KCNMA1: variants seen among roughly 807,000 people sequenced by gnomAD.
KCNMA1 encodes Calcium-activated potassium channel subunit alpha-1.
In KCNMA1, 29 loss-of-function variants were observed where a neutral mutation model predicts 140.0. That is an observed-to-expected ratio of 0.21 (90% CI 0.15 to 0.28). The LOEUF is 0.28. Ranked by LOEUF, KCNMA1 falls within the 10% of genes least tolerant of loss-of-function variation. The pLI, the probability that KCNMA1 is intolerant of heterozygous loss-of-function variation, is 1.00. For missense variants in KCNMA1, 880 were observed against 1,602.2 expected (o/e 0.55, Z 7.70); for synonymous variants, 612 against 611.9 (o/e 1.00, Z 0.00).
At chr10:77,574,447 A>T (rs1253288815) in intron 1 of KCNMA1, among the ~76,000 whole-genome samples, 5 of 152,144 alleles carry the variant, frequency 3.3e-5, no homozygotes. Flanking sequence ...TTTTAACACA[A>T]ACATCCTGTG....
chr10:77,277,097 G>T (rs894059233), intron 2 of KCNMA1, among the ~76,000 whole-genome samples: 1 of 152,124 alleles, frequency 6.6e-6, no homozygotes. Flanking sequence ...CCTGAGATGT[G>T]CTCAGCAAGT....
intron 5 of KCNMA1, among the ~76,000 whole-genome samples, chr10:77,159,062 A>G (rs919794736): frequency 2.0e-5 from 3 of 152,178 alleles, no homozygotes; most frequent in Non-Finnish European, 4.4e-5. Flanking sequence ...TTTTGAAGCA[A>G]CTGGCTTGGT....
intron 1 of KCNMA1, among the ~76,000 whole-genome samples, chr10:77,409,740 C>G (rs1303593139): frequency 6.6e-6 from 1 of 152,210 alleles, no homozygotes; most frequent in African/African-American, 2.4e-5. Flanking sequence ...TTGGCTGTCT[C>G]CGTCTCTCAT....
At chr10:77,058,611 A>G (rs1237173077) in intron 14 of KCNMA1, among the ~76,000 whole-genome samples, 2 of 152,136 alleles carry the variant, frequency 1.3e-5, no homozygotes, top group Non-Finnish European at 2.9e-5. Flanking sequence ...GAAAGATAAG[A>G]GGAATATCTT....
chr10:77,245,561 A>G (rs1202195761), intron 3 of KCNMA1, among the ~76,000 whole-genome samples: 2 of 152,210 alleles, frequency 1.3e-5, no homozygotes, highest in Admixed American at 6.5e-5. Context: ...CTTTGGGGCC[A>G]AATTTTCCTG....
chr10:77,184,124 T>TC (rs2098826642), intron 4 of KCNMA1, among the ~76,000 whole-genome samples: 1 of 151,878 alleles, frequency 6.6e-6, no homozygotes, highest in South Asian at 2.1e-4. Flanking sequence ...CACCTTCCTT[T>TC]CATTCATACT....
intron 3 of KCNMA1, among the ~76,000 whole-genome samples, chr10:77,214,077 C>T (rs551190403): frequency 5.6e-4 from 85 of 152,312 alleles, no homozygotes; most frequent in Non-Finnish European, 9.0e-4. Context: ...AGCCCTACTT[C>T]ACACCAGCTC....
intron 1 of KCNMA1, among the ~76,000 whole-genome samples, chr10:77,520,528 A>G (rs2053001860): frequency 6.6e-6 from 1 of 152,026 alleles, no homozygotes; most frequent in Admixed American, 6.6e-5. Context: ...ATTAGCTGCC[A>G]TTGTTGTCTT....
At chr10:77,250,653 A>C (rs1420038764) in intron 3 of KCNMA1, 3 of 172,232 alleles carry the variant, frequency 1.7e-5, no homozygotes, top group Non-Finnish European at 3.8e-5. Context: ...GAACTCCTCC[A>C]TCCATCTCCT....
intron 1 of KCNMA1, among the ~76,000 whole-genome samples, chr10:77,450,959 T>C (rs910205875): frequency 6.6e-6 from 1 of 151,818 alleles, no homozygotes; most frequent in African/African-American, 2.4e-5. Flanking sequence ...TTAAGGGGAG[T>C]TCCCCTGCAC....
chr10:77,204,610 A>T (rs1255843792), intron 3 of KCNMA1, among the ~76,000 whole-genome samples: 1 of 152,190 alleles, frequency 6.6e-6, no homozygotes, highest in Non-Finnish European at 1.5e-5. Context: ...ATAAATTAAT[A>T]AACCAAGCTT....
At chr10:77,253,833 T>G (rs1210000513) in intron 2 of KCNMA1, among the ~76,000 whole-genome samples, 1 of 152,216 alleles carries the variant, frequency 6.6e-6, no homozygotes, top group Non-Finnish European at 1.5e-5. Flanking sequence ...AAGGTAACTG[T>G]GCACGTAGTC....
chr10:77,119,719 G>A (rs2097555309), intron 6 of KCNMA1, among the ~76,000 whole-genome samples: 1 of 152,120 alleles, frequency 6.6e-6, no homozygotes, highest in African/African-American at 2.4e-5. Context: ...AATAAACAGA[G>A]GACTGATAAA....
At chr10:77,281,749 C>T (rs1024166998) in intron 2 of KCNMA1, among the ~76,000 whole-genome samples, 3 of 152,134 alleles carry the variant, frequency 2.0e-5, no homozygotes, top group South Asian at 2.1e-4. Flanking sequence ...ATGGAGGAAC[C>T]TTACAATCAT....
At chr10:76,873,789 T>C (rs1355629529), downstream of KCNMA1, 1 of 152,220 alleles carries the variant, frequency 6.6e-6, no homozygotes, top group Non-Finnish European at 1.5e-5. Flanking sequence ...AATGAGATTC[T>C]CTTTCACAAT....
intron 5 of KCNMA1, among the ~76,000 whole-genome samples, chr10:77,161,087 G>T (rs1597530604): frequency 6.6e-6 from 1 of 152,202 alleles, no homozygotes; most frequent in Admixed American, 6.5e-5. Context: ...TAGAAACATT[G>T]TCTGTCGGCT....
rs562532502 is a variant in KCNMA1 at position 77,434,714 on chromosome 10, C to A, written c.379-30691G>T. Among the ~76,000 whole-genome samples the A allele has an allele frequency of 2.6e-5, 4 of 152,270 alleles. No individual in the cohort carries two copies. The South Asian group carries it at 8.3e-4, about 32-fold the overall frequency. On this transcript the variant is annotated intron_variant, in intron 1 of 27. Transcript: ENST00000286628. ...GGAAATACAAGGACGATAAAGACAC[C>A]ACCCCTGCCTCCAAGGAGTTTTTTG... is the stretch of plus-strand genomic sequence containing the variant.
intron 1 of KCNMA1, among the ~76,000 whole-genome samples, chr10:77,445,235 T>C (rs2097502045): frequency 6.6e-6 from 1 of 152,120 alleles, no homozygotes; most frequent in Admixed American, 6.5e-5. Flanking sequence ...AGCCCAAAGC[T>C]GGCATGCAGA....
At chr10:77,422,333 T>G (rs941896954) in intron 1 of KCNMA1, among the ~76,000 whole-genome samples, 1 of 152,226 alleles carries the variant, frequency 6.6e-6, no homozygotes, top group Admixed American at 6.5e-5. Flanking sequence ...AGAATTTACA[T>G]GCCTTACATG....
Sources: gnomAD v4.1 joint callset for allele counts (sites outside exome capture counted in the v4.1 genomes callset) on GRCh38, gnomAD v4.1.1 for gene constraint, MANE v1.5 for transcripts, NCBI Gene and HGNC (gene_info 2026-07-23, HGNC 2026-07-21) for gene names.